The following ZNF704 variants were observed in gnomAD, a reference collection of about 807,000 sequenced individuals.
ZNF704 encodes zinc finger protein 704.
A neutral mutation model predicts 44.7 loss-of-function variants in ZNF704; 10 were observed. That is an observed-to-expected ratio of 0.22 (90% CI 0.14 to 0.38). ZNF704 has a LOEUF of 0.38. Among genes scored for constraint, ZNF704 ranks in the 10% least tolerant of loss-of-function variants. The pLI is 1.00. For missense variants in ZNF704, 390 were observed against 545.5 expected (o/e 0.71, Z 2.84); for synonymous variants, 211 against 207.6 (o/e 1.02, Z -0.14).
Position 80,821,433 on chromosome 8 carries a change from G to C in ZNF704, c.162C>G (p.Ile54Met). 2 of 1,614,194 alleles carry C rather than the reference G, an allele frequency of 1.2e-6. No homozygotes were observed. The highest frequency in any genetic ancestry group is 1.7e-6 in the Non-Finnish European group (2 of 1,180,020). ...LDHEKENTRS[I>M]CLLEQKRKVV... ...CTTTTCTTTTTTGCTCAAGGAGACAGATGGAGCGAGTGTTTTCTTTTTCAT... is the reference window on the plus strand; with the variant it reads ...CTTTTCTTTTTTGCTCAAGGAGACACATGGAGCGAGTGTTTTCTTTTTCAT... Residue 54 changes from isoleucine (I) to methionine (M), a missense_variant, in exon 2 of 9, where the codon ATC becomes ATG. By Grantham distance (10) the Ile-to-Met change is conservative. This residue lies in a region of ZNF704 where 80 missense variants were observed against 83.7 expected (regional missense o/e 0.96). Transcript: ENST00000327835.
At chr8:80,684,500 C>G (rs1231487649) in intron 4 of ZNF704, among the ~76,000 whole-genome samples, 3 of 152,066 alleles carry the variant, frequency 2.0e-5, no homozygotes, top group East Asian at 1.9e-4. Flanking sequence ...GAACAAGTGA[C>G]TATCACAATG....
intron 2 of ZNF704, among the ~76,000 whole-genome samples, chr8:80,801,151 G>A (rs368956102): frequency 3.7e-4 from 57 of 152,246 alleles, no homozygotes; most frequent in Admixed American, 1.0e-3. Context: ...CAATACAGGA[G>A]AACCCAGATT....
chr8:80,710,972 T>C (rs951865892), intron 2 of ZNF704, among the ~76,000 whole-genome samples: 2 of 152,162 alleles, frequency 1.3e-5, no homozygotes, highest in Non-Finnish European at 2.9e-5. Context: ...ACCAGGCATG[T>C]GAGCTGCAGT....
chr8:80,722,015 T>C (rs1819174205), intron 2 of ZNF704, among the ~76,000 whole-genome samples: 2 of 152,174 alleles, frequency 1.3e-5, no homozygotes, highest in African/African-American at 2.4e-5. Flanking sequence ...GGTAGAAGGA[T>C]GGCTTGAATC....
At chr8:80,802,310 A>C (rs1452322770) in intron 2 of ZNF704, among the ~76,000 whole-genome samples, 1 of 152,074 alleles carries the variant, frequency 6.6e-6, no homozygotes, top group East Asian at 1.9e-4. Context: ...ACTGAAAAGG[A>C]GGGACTCCTC....
At chr8:80,848,340 CATG>C (rs1448940490) in intron 1 of ZNF704, among the ~76,000 whole-genome samples, 1 of 152,134 alleles carries the variant, frequency 6.6e-6, no homozygotes, top group Non-Finnish European at 1.5e-5. Context: ...TGACTCCACA[CATG>C]ATAATATCGC....
At chr8:80,836,059 G>T (rs890208921) in intron 1 of ZNF704, among the ~76,000 whole-genome samples, 2 of 152,050 alleles carry the variant, frequency 1.3e-5, no homozygotes, top group Non-Finnish European at 2.9e-5. Context: ...CCTCCTAATG[G>T]TAGCCAGACT....
chr8:80,809,432 C>G (rs16908048), intron 2 of ZNF704, among the ~76,000 whole-genome samples: 32,419 of 152,134 alleles, frequency 0.21, 4,836 homozygotes, highest in African/African-American at 0.43. Context: ...AGCAACGTTA[C>G]GCAAATCTAT....
chr8:80,865,512 T>TA (rs1256354245), intron 1 of ZNF704, among the ~76,000 whole-genome samples: 3 of 152,230 alleles, frequency 2.0e-5, no homozygotes, highest in Non-Finnish European at 4.4e-5. Flanking sequence ...ATTTATGAAC[T>TA]AAAATTATCC....
At chr8:80,776,893 G>A (rs1451729233) in intron 2 of ZNF704, 2 of 152,132 alleles carry the variant, frequency 1.3e-5, no homozygotes, top group African/African-American at 4.8e-5. Flanking sequence ...AGAACTCCTG[G>A]ACTCAAGTGA....
At chr8:80,851,172 A>G (rs1323338463) in intron 1 of ZNF704, among the ~76,000 whole-genome samples, 3 of 152,146 alleles carry the variant, frequency 2.0e-5, no homozygotes, top group Admixed American at 1.3e-4. Context: ...GCGATTCCTC[A>G]GGGAACTAGA....
At chr8:80,780,292 G>A (rs1349987198) in intron 2 of ZNF704, among the ~76,000 whole-genome samples, 3 of 152,178 alleles carry the variant, frequency 2.0e-5, no homozygotes, top group Non-Finnish European at 2.9e-5. Context: ...TGAACTTTTC[G>A]AAGAGTAGGA....
intron 2 of ZNF704, among the ~76,000 whole-genome samples, chr8:80,697,185 G>C (rs1371847176): frequency 6.6e-6 from 1 of 152,152 alleles, no homozygotes; most frequent in Non-Finnish European, 1.5e-5. Context: ...GGTGGAAAAG[G>C]AGAGCAGAGC....
intron 4 of ZNF704, among the ~76,000 whole-genome samples, chr8:80,675,462 A>AGTTTT (rs758576237): frequency 1.4e-5 from 2 of 146,008 alleles, no homozygotes; most frequent in East Asian, 1.9e-4. Flanking sequence ...GTATGACTTA[A>AGTTTT]GTTTTGTTTT....
rs1160012535 is a variant in ZNF704, at chr8:80,628,750, CTAT to C, written c.*12613_*12615del. ...AAGACGATTACTAAAGTGATTCTGA[CTAT>C]AAGCCTTTTCTTCTACTTAAATGCT... On this transcript the variant is annotated 3_prime_UTR_variant, in exon 9 of 9. Transcript: ENST00000327835. 7 of 152,324 alleles carry C rather than the reference CTAT, an allele frequency of 4.6e-5. No homozygotes were observed. The highest frequency in any genetic ancestry group is 1.4e-4 in the African/African-American group (6 of 41,572). The allele number at this position is 152,324 out of a possible 1,614,324, so 9.4% of individuals were successfully genotyped here.
At chr8:80,792,988 C>T (rs1019299959) in intron 2 of ZNF704, among the ~76,000 whole-genome samples, 125 of 152,146 alleles carry the variant, frequency 8.2e-4, no homozygotes, top group African/African-American at 2.9e-3. Flanking sequence ...GTAATTTGTT[C>T]GCTACACAGC....
chr8:80,762,415 C>G (rs567074866), intron 2 of ZNF704, among the ~76,000 whole-genome samples: 1 of 152,240 alleles, frequency 6.6e-6, no homozygotes, highest in South Asian at 2.1e-4. Context: ...AAGTAAGGAC[C>G]TTCTTCACAT....
chr8:80,697,107 C>G lies in ZNF704; in HGVS notation c.222-4000G>C, dbSNP rs921852529. On this transcript the variant is annotated intron_variant, in intron 2 of 8. Coordinates refer to ENST00000327835, the MANE Select transcript of ZNF704 (RefSeq NM_001033723.3). ...GGATTTCAAGATGGGAGAAACACAT[C>G]AAGGAAGGGAAGCCGGTGAGCCCTG... Among the ~76,000 whole-genome samples, 5 of 152,092 alleles carry G rather than the reference C, an allele frequency of 3.3e-5. No homozygotes were observed. The South Asian group carries it at 8.3e-4, about 25-fold the overall frequency.
intron 2 of ZNF704, among the ~76,000 whole-genome samples, chr8:80,703,501 G>A (rs1391477617): frequency 1.3e-5 from 2 of 152,152 alleles, no homozygotes; most frequent in African/African-American, 4.8e-5. Flanking sequence ...TTGAGGCAGG[G>A]TCTTGCTCTG....
Sources: allele counts gnomAD v4.1 joint callset (sites outside exome capture counted in the v4.1 genomes callset), GRCh38; gene constraint gnomAD v4.1.1; regional missense constraint gnomAD v4.1.1; transcripts MANE v1.5; gene names NCBI Gene and HGNC (gene_info 2026-07-23, HGNC 2026-07-21).